PPT2: variants seen among roughly 807,000 people sequenced by gnomAD.
PPT2 encodes the protein palmitoyl-protein thioesterase 2.
PPT2 carries 20 observed loss-of-function variants against 37.3 expected under a neutral mutation model. That is an observed-to-expected ratio of 0.54 (90% CI 0.38 to 0.78). The LOEUF (loss-of-function observed/expected upper bound fraction) is 0.78, where lower values mean the gene tolerates loss of function less well. Among genes scored for constraint, PPT2 ranks in the 30% least tolerant of loss-of-function variants. PPT2 has a pLI of 0.00. For synonymous variants in PPT2, 135 were observed against 159.1 expected, an observed-to-expected ratio of 0.85 and a Z score of 1.14; for missense variants, 270 against 389.8, an observed-to-expected ratio of 0.69 and a Z score of 2.59.
intron 7 of PPT2, among the ~76,000 whole-genome samples, chr6:32,159,223 C>T (rs971954083): frequency 1.3e-5 from 2 of 151,738 alleles, no homozygotes; most frequent in East Asian, 1.9e-4. Flanking sequence ...CACCTGAGGT[C>T]GGGAGTTCGA....
chr6:32,159,922 G>A (rs1390143443), intron 7 of PPT2, among the ~76,000 whole-genome samples: 1 of 151,882 alleles, frequency 6.6e-6, no homozygotes, highest in Non-Finnish European at 1.5e-5. Context: ...GGGTTTCACT[G>A]TGTTAGCCAG....
At chr6:32,160,303 C>T (rs1430322434) in intron 7 of PPT2, among the ~76,000 whole-genome samples, 2 of 151,734 alleles carry the variant, frequency 1.3e-5, no homozygotes, top group African/African-American at 4.8e-5. Context: ...CCTCGGCCTC[C>T]CAAAGTGCTA....
At chr6:32,158,630 GATAC>G (rs1195562343) in intron 7 of PPT2, among the ~76,000 whole-genome samples, 1 of 152,200 alleles carries the variant, frequency 6.6e-6, no homozygotes, top group Non-Finnish European at 1.5e-5. Context: ...TAAGATAGCT[GATAC>G]ATACATACAA....
chr6:32,157,598 C>T (rs1783879643), intron 5 of PPT2, 39 bp from the exon 6 acceptor site: 3 of 1,511,390 alleles, frequency 2.0e-6, no homozygotes, highest in Non-Finnish European at 1.8e-6. Context: ...GTCTTGCCTC[C>T]CTTTTCTGCT....
chr6:32,160,397 G>GCACCGCAC (rs1784078321), intron 7 of PPT2, among the ~76,000 whole-genome samples: 1 of 151,560 alleles, frequency 6.6e-6, no homozygotes, highest in Admixed American at 6.6e-5. Flanking sequence ...CTGGCTGGGT[G>GCACCGCAC]CGGTGGCTCA....
At chr6:32,159,984 T>C (rs1376767928) in intron 7 of PPT2, among the ~76,000 whole-genome samples, 4 of 150,822 alleles carry the variant, frequency 2.7e-5, no homozygotes, top group Non-Finnish European at 5.9e-5. Flanking sequence ...CCTCCCAAAG[T>C]GTTGGGATTA....
chr6:32,156,110 A>ATTT lies in PPT2; in HGVS notation c.541+144_541+146dup. On this transcript the variant is annotated intron_variant, in intron 5 of 8. Transcript: ENST00000324816. The surrounding 1 kb of genome is among the most constrained non-coding windows in gnomAD (Gnocchi z 4.9). ...GTTATTTGAACAGGCTCTGTTCAGA[A>ATTT]TTTTTTTTTTTTTTGAGACGGAGTC... 7.9e-6 allele frequency: 5 copies of ATTT among 631,436 alleles called. No homozygotes were observed. Among genetic ancestry groups the ATTT allele is most frequent in the Non-Finnish European group, 1.0e-5 (4 of 381,854 alleles). 39.1% of individuals were successfully genotyped at this position (631,436 alleles called of 1,614,324 possible). A position where few individuals can be genotyped will look rare whatever the true frequency, so the allele number is the denominator to read the frequency against.
At position 32,154,157 on chromosome 6, in the gene PPT2, C is replaced by A. The variant is rs1030863133; in HGVS notation, c.-256C>A. 5 of 1,097,072 alleles carry A rather than the reference C, an allele frequency of 4.6e-6. No homozygotes were observed. The highest frequency in any genetic ancestry group is 5.6e-6 in the Non-Finnish European group (5 of 900,164). 68.0% of individuals were successfully genotyped at this position (1,097,072 alleles called of 1,614,324 possible). On this transcript the variant is annotated 5_prime_UTR_variant, in exon 1 of 9. Coordinates refer to ENST00000324816, the MANE Select transcript of PPT2 (RefSeq NM_005155.7). This position sits in a 1 kb window ranked among gnomAD's most constrained non-coding sequence, Gnocchi z 7.3. ...CTCCCATCCGTCATTCCCCTGCGCT[C>A]TCTTTCCTCACCCTTCCCCCCGCCA...
chr6:32,160,529 C>T (rs1181994929), intron 7 of PPT2, among the ~76,000 whole-genome samples: 1 of 151,502 alleles, frequency 6.6e-6, no homozygotes, highest in Non-Finnish European at 1.5e-5. Context: ...AATTAGTGGG[C>T]CTGGTGGCGC....
rs1783780647 is a variant in PPT2 at position 32,156,045 on chromosome 6, A to T, written c.541+67A>T. On this transcript the variant is annotated intron_variant, in intron 5 of 8. Transcript: ENST00000324816. This position sits in a 1 kb window ranked among gnomAD's most constrained non-coding sequence, Gnocchi z 4.9. ...AGTTGCTTCCACCTCTGCTACAACC[A>T]ATAGCAGTGATGACAATAAAGATAA... is the stretch of plus-strand genomic sequence containing the variant. 9.0e-7 allele frequency: 1 copy of T among 1,113,972 alleles called. No individual in the cohort carries two copies. Among genetic ancestry groups the T allele is most frequent in the Non-Finnish European group, 1.4e-6 (1 of 728,410 alleles). 69.0% of individuals were successfully genotyped at this position (1,113,972 alleles called of 1,614,324 possible). A position where few individuals can be genotyped will look rare whatever the true frequency, so the allele number is the denominator to read the frequency against.
intron 5 of PPT2, 139 bp from the exon 6 acceptor site, chr6:32,157,498 C>A: frequency 1.4e-6 from 1 of 718,794 alleles, no homozygotes; most frequent in Non-Finnish European, 2.4e-6. Flanking sequence ...CAGGTGTGAG[C>A]CACCGCACCT....
At chr6:32,157,333 G>A (rs1014878269) in intron 5 of PPT2, 8 of 443,140 alleles carry the variant, frequency 1.8e-5, no homozygotes, top group Non-Finnish European at 3.3e-5. Flanking sequence ...TGATTCCAGC[G>A]CCCCGAGTAA....
At chr6:32,161,968 T>C (rs1043336067) in intron 7 of PPT2, among the ~76,000 whole-genome samples, 1 of 152,190 alleles carries the variant, frequency 6.6e-6, no homozygotes, top group African/African-American at 2.4e-5. Context: ...TCCGCCGGCC[T>C]TGGCCTCCCA....
rs1278500010 is a variant in PPT2 at position 32,154,298 on chromosome 6, A to G, written c.-115A>G. Reference sequence around the variant, plus strand: ...CTGGGCTGCTGCTCACGGGTATTAAAGAACTCCGCGTTGTTCATGGCTGAG... The same window carrying G: ...CTGGGCTGCTGCTCACGGGTATTAAGGAACTCCGCGTTGTTCATGGCTGAG... On this transcript the variant is annotated 5_prime_UTR_variant, in exon 1 of 9. Transcript: ENST00000324816. The surrounding 1 kb of genome is among the most constrained non-coding windows in gnomAD (Gnocchi z 7.3). 3 of 1,355,052 alleles carry G rather than the reference A, an allele frequency of 2.2e-6. No individual in the cohort carries two copies. Among genetic ancestry groups the G allele is most frequent in the African/African-American group, 3.0e-5 (2 of 67,788 alleles). The allele number at this position is 1,355,052 out of a possible 1,614,324, so 83.9% of individuals were successfully genotyped here. A position where few individuals can be genotyped will look rare whatever the true frequency, so the allele number is the denominator to read the frequency against.
Position 32,154,535 on chromosome 6 carries a change from GGGA to G in PPT2, c.-8-46_-8-44del. 6.4e-6 allele frequency: 10 copies of G among 1,551,588 alleles called. No homozygotes were observed. Among genetic ancestry groups the G allele is most frequent in the Non-Finnish European group, 7.9e-6 (9 of 1,143,988 alleles). On this transcript the variant is annotated intron_variant, in intron 1 of 8. Coordinates refer to ENST00000324816, the MANE Select transcript of PPT2 (RefSeq NM_005155.7). The surrounding 1 kb of genome is among the most constrained non-coding windows in gnomAD (Gnocchi z 7.3). ...CTTGATTGCCGGGCGTCTGTTCCGA[GGGA>G]GGAGGGTGTTGCCATCTCCCTCACA...
upstream of PPT2, chr6:32,153,667 G>A: frequency 6.4e-7 from 1 of 1,574,496 alleles, no homozygotes; most frequent in Non-Finnish European, 8.6e-7. This position sits in a 1 kb window ranked among gnomAD's most constrained non-coding sequence, Gnocchi z 4.4. Context: ...GGACTGGAGG[G>A]TGGGGTGGGG....
Position 32,154,678 on chromosome 6 carries a change from C to T in PPT2, c.84C>T (p.Ala28=). Residue 28 remains alanine (A), a synonymous_variant, in exon 2 of 9, where the codon GCC becomes GCT. Coordinates refer to ENST00000324816, the MANE Select transcript of PPT2 (RefSeq NM_005155.7). This position sits in a 1 kb window ranked among gnomAD's most constrained non-coding sequence, Gnocchi z 7.3. The part of the protein sequence containing the change: ...LPFLPLLLLA[A]PAPHRASYKP... ...TCCTGCCGCTGCTGCTGCTTGCAGC[C>T]CCCGCGCCCCACCGCGCGTCCTACA... is the stretch of plus-strand genomic sequence containing the variant. 6.2e-7 allele frequency: 1 copy of T among 1,613,056 alleles called. No homozygotes were observed.
In PPT2 at chr6:32,156,636, A is replaced by T. The variant is rs1783823607; in HGVS notation, c.541+658A>T. ...AACTTCATTTACAAAAACAAGTAGC[A>T]GGCTGGATTTGGTCCTTTGGTCACA... is the stretch of plus-strand genomic sequence containing the variant. On this transcript the variant is annotated intron_variant, in intron 5 of 8. Transcript: ENST00000324816. The surrounding 1 kb of genome is among the most constrained non-coding windows in gnomAD (Gnocchi z 4.9). 6.6e-6 allele frequency among the ~76,000 whole-genome samples: 1 copy of T among 152,170 alleles called. No homozygotes were observed.
intron 7 of PPT2, among the ~76,000 whole-genome samples, chr6:32,160,590 C>A (rs1784090671): frequency 6.6e-6 from 1 of 151,410 alleles, no homozygotes; most frequent in African/African-American, 2.4e-5. Flanking sequence ...AACTTGAAAC[C>A]AGGAGGCGGA....
Sources: gnomAD v4.1 joint callset for allele counts (sites outside exome capture counted in the v4.1 genomes callset) on GRCh38, gnomAD v4.1.1 for gene constraint, Gnocchi (gnomAD v3.1) non-coding constraint, MANE v1.5 for transcripts, NCBI Gene and HGNC (gene_info 2026-07-23, HGNC 2026-07-21) for gene names.